The following MYO3B variants were observed in gnomAD, a reference collection of about 807,000 sequenced individuals.
MYO3B encodes the protein myosin IIIB.
In MYO3B, 156 loss-of-function variants were observed where a neutral mutation model predicts 174.6. The observed-to-expected ratio is 0.89, with a 90% CI of 0.78 to 1.02. The LOEUF (loss-of-function observed/expected upper bound fraction) is 1.02, where lower values mean the gene tolerates loss of function less well. Among genes scored for constraint, MYO3B ranks in the 50% least tolerant of loss-of-function variants. The pLI, the probability that MYO3B is intolerant of heterozygous loss-of-function variation, is 0.00. For missense variants in MYO3B, 1,632 were observed against 1,639.4 expected (o/e 1.00, Z 0.08); for synonymous variants, 563 against 569.1 (o/e 0.99, Z 0.15).
intron 32 of MYO3B, among the ~76,000 whole-genome samples, chr2:170,649,124 GTATATAAAATAATATATAA>G (rs1206515728): frequency 0.011 from 217 of 19,808 alleles, no homozygotes; most frequent in Middle Eastern, 0.056. Flanking sequence ...AATATATAAT[GTATATAAAATAATATATAA>G]TATATTATAT....
chr2:170,402,727 T>C (rs1334538002), intron 18 of MYO3B, 121 bp from the exon 19 acceptor site: 2 of 888,326 alleles, frequency 2.3e-6, no homozygotes, highest in African/African-American at 1.7e-5. Flanking sequence ...GGCAGGATGC[T>C]GCTTTCCATG....
chr2:170,258,789 T>A (rs2093324182), intron 7 of MYO3B, among the ~76,000 whole-genome samples: 2 of 152,156 alleles, frequency 1.3e-5, no homozygotes, highest in African/African-American at 4.8e-5. Context: ...ACTGATGATA[T>A]GATTTGATAC....
chr2:170,337,300 C>G (rs1406264436), intron 8 of MYO3B, among the ~76,000 whole-genome samples: 9 of 152,090 alleles, frequency 5.9e-5, no homozygotes, highest in Admixed American at 5.9e-4. Context: ...CTGGTAAAGG[C>G]TGAATCCAAA....
At chr2:170,303,994 A>C (rs77753279) in intron 7 of MYO3B, among the ~76,000 whole-genome samples, 2,983 of 152,264 alleles carry the variant, frequency 0.02, 114 homozygotes, top group African/African-American at 0.068. Context: ...AATAATATAG[A>C]AGTTTCATAA....
intron 6 of MYO3B, among the ~76,000 whole-genome samples, chr2:170,221,426 G>T (rs189463118): frequency 2.0e-5 from 3 of 152,032 alleles, no homozygotes; most frequent in Non-Finnish European, 4.4e-5. Flanking sequence ...TACAAACCGG[G>T]TAGCTAATGG....
intron 6 of MYO3B, among the ~76,000 whole-genome samples, chr2:170,229,663 CA>C (rs1178643889): frequency 4.6e-5 from 7 of 152,140 alleles, no homozygotes; most frequent in Non-Finnish European, 7.4e-5. Flanking sequence ...AGCTCTCTGA[CA>C]TAAAATTCGA....
chr2:170,328,841 G>A lies in MYO3B; in HGVS notation c.750-6544G>A, dbSNP rs552923901. Among the ~76,000 whole-genome samples, 321 of 152,042 alleles carry A rather than the reference G, an allele frequency of 2.1e-3. 1 individual carries two copies. Among genetic ancestry groups the A allele is most frequent in the African/African-American group, 7.5e-3 (312 of 41,472 alleles). On this transcript the variant is annotated intron_variant, in intron 7 of 34. Coordinates refer to ENST00000408978, the MANE Select transcript of MYO3B (RefSeq NM_138995.5). ...GTGGTGTATAATCCCATTTCTATTG[G>A]GATTATACTCTCAACTATATTATAA...
intron 7 of MYO3B, among the ~76,000 whole-genome samples, chr2:170,301,237 A>G (rs1214445201): frequency 4.6e-5 from 7 of 152,226 alleles, no homozygotes; most frequent in Non-Finnish European, 7.3e-5. Flanking sequence ...TATTTTGGTG[A>G]TCGAAATCCT....
Position 170,214,477 on chromosome 2 carries a change from C to T in MYO3B, c.420C>T (p.Ala140=). ...EAMISYILYG[A]LLGLQHLHNN... is the part of the protein sequence containing the mutation. Reference sequence around the variant, plus strand: ...TGATCTCATACATCTTGTACGGGGCCCTCTTGGTAAGAACATCTATCAAAT... The same window carrying T: ...TGATCTCATACATCTTGTACGGGGCTCTCTTGGTAAGAACATCTATCAAAT... The change falls in exon 4 of 35, where the codon GCC becomes GCT. Residue 140 remains alanine (A), a synonymous_variant. Transcript: ENST00000408978. 1 of 1,613,946 alleles carries T rather than the reference C, an allele frequency of 6.2e-7. No individual in the cohort carries two copies. Among genetic ancestry groups the T allele is most frequent in the Non-Finnish European group, 8.5e-7 (1 of 1,179,880 alleles).
At chr2:170,376,510 C>T (rs2094294616) in intron 9 of MYO3B, among the ~76,000 whole-genome samples, 1 of 152,114 alleles carries the variant, frequency 6.6e-6, no homozygotes, top group South Asian at 2.1e-4. Flanking sequence ...AGGGAGTGAT[C>T]CCTGAGTTCT....
intron 3 of MYO3B, among the ~76,000 whole-genome samples, chr2:170,213,633 GTC>G (rs779816776): frequency 6.6e-5 from 10 of 152,068 alleles, no homozygotes; most frequent in Non-Finnish European, 8.8e-5. Context: ...GAGAGGGTCT[GTC>G]TCTCTTCTCT....
chr2:170,398,641 G>T (rs2094455385), intron 16 of MYO3B, among the ~76,000 whole-genome samples: 1 of 152,106 alleles, frequency 6.6e-6, no homozygotes, highest in African/African-American at 2.4e-5. Context: ...AAAGGGGCTT[G>T]TTGTAAATAA....
chr2:170,402,879 T>C lies in MYO3B; in HGVS notation c.2161T>C (p.Leu721=), dbSNP rs1193509154. The C allele has an allele frequency of 6.2e-7, 1 of 1,612,314 alleles. No individual in the cohort carries two copies. The highest frequency in any genetic ancestry group is 2.2e-5 in the East Asian group (1 of 44,864). The change falls in exon 19 of 35, where the codon TTG becomes CTG. Residue 721 remains leucine, a synonymous_variant. Coordinates refer to ENST00000408978, the MANE Select transcript of MYO3B (RefSeq NM_138995.5). ...SAGGGMNVGI[L]DIFGFENFQR... Reference sequence around the variant, plus strand: ...AGGAGGTGGAATGAATGTGGGGATCTTGGATATCTTTGGATTCGAGAATTT... The same window carrying C: ...AGGAGGTGGAATGAATGTGGGGATCCTGGATATCTTTGGATTCGAGAATTT...
intron 32 of MYO3B, among the ~76,000 whole-genome samples, chr2:170,626,916 C>A (rs1696491615): frequency 1.3e-5 from 2 of 152,194 alleles, no homozygotes; most frequent in Admixed American, 6.5e-5. Flanking sequence ...CTGAGAGATC[C>A]ACTGTTAGTC....
chr2:170,533,428 G>A (rs562615103), intron 30 of MYO3B, among the ~76,000 whole-genome samples: 63 of 150,070 alleles, frequency 4.2e-4, no homozygotes, highest in African/African-American at 1.4e-3. Context: ...GTGGGGGTGG[G>A]GGGGGGGTGT....
chr2:170,275,626 C>A (rs2093459211), intron 7 of MYO3B, among the ~76,000 whole-genome samples: 1 of 152,072 alleles, frequency 6.6e-6, no homozygotes, highest in Non-Finnish European at 1.5e-5. Flanking sequence ...GACTCATTGT[C>A]AGAGCATGAA....
At chr2:170,229,178 T>G (rs1002602406) in intron 6 of MYO3B, among the ~76,000 whole-genome samples, 1 of 152,224 alleles carries the variant, frequency 6.6e-6, no homozygotes, top group African/African-American at 2.4e-5. Flanking sequence ...GAAATCTTTA[T>G]GATCAATAAC....
intron 1 of MYO3B, among the ~76,000 whole-genome samples, chr2:170,191,106 T>C (rs1430110886): frequency 6.6e-6 from 1 of 151,838 alleles, no homozygotes; most frequent in African/African-American, 2.4e-5. Flanking sequence ...GCAGGTTTCC[T>C]TCTGGCCCAG....
intron 34 of MYO3B, among the ~76,000 whole-genome samples, chr2:170,652,475 A>T (rs909017586): frequency 6.6e-6 from 1 of 152,196 alleles, no homozygotes; most frequent in Admixed American, 6.5e-5. Flanking sequence ...CACTCTACGA[A>T]GTACAAATAG....
Sources: allele counts gnomAD v4.1 joint callset (sites outside exome capture counted in the v4.1 genomes callset), GRCh38; gene constraint gnomAD v4.1.1; transcripts MANE v1.5; gene names NCBI Gene and HGNC (gene_info 2026-07-23, HGNC 2026-07-21).